ALK: variants seen among roughly 807,000 people sequenced by gnomAD.
ALK encodes ALK receptor tyrosine kinase.
ALK carries 74 observed loss-of-function variants against 163.1 expected under a neutral mutation model. The ratio of observed to expected loss-of-function variants is 0.45; its 90% confidence interval spans 0.38 to 0.55. The LOEUF (loss-of-function observed/expected upper bound fraction) is 0.55. Among genes scored for constraint, ALK ranks in the 20% least tolerant of loss-of-function variants. The pLI is 0.00. For missense variants in ALK, 2,063 were observed against 2,105.3 expected, an observed-to-expected ratio of 0.98 and a Z score of 0.39; for synonymous variants, 960 against 843.2, an observed-to-expected ratio of 1.14 and a Z score of -2.40.
At chr2:29,800,024 T>C (rs1430556592) in intron 1 of ALK, among the ~76,000 whole-genome samples, 1 of 152,002 alleles carries the variant, frequency 6.6e-6, no homozygotes, top group Admixed American at 6.6e-5. Context: ...GTAGGGGAGG[T>C]GAACATGCAA....
At chr2:29,650,642 T>A (rs1322953657) in intron 3 of ALK, among the ~76,000 whole-genome samples, 1 of 152,160 alleles carries the variant, frequency 6.6e-6, no homozygotes, top group Non-Finnish European at 1.5e-5. Flanking sequence ...TTCTCTGTTT[T>A]CTGGTATCTG....
chr2:29,915,259 T>C (rs1230634032), intron 1 of ALK, among the ~76,000 whole-genome samples: 1 of 152,130 alleles, frequency 6.6e-6, no homozygotes, highest in African/African-American at 2.4e-5. Context: ...TAGATATTCC[T>C]TTCTCACTCT....
At chr2:29,797,183 T>G (rs1476179123) in intron 1 of ALK, among the ~76,000 whole-genome samples, 1 of 152,180 alleles carries the variant, frequency 6.6e-6, no homozygotes, top group East Asian at 1.9e-4. Flanking sequence ...CAAATGAAGT[T>G]TAGCAGCTCT....
chr2:29,592,326 G>A (rs1675085304), intron 3 of ALK, among the ~76,000 whole-genome samples: 3 of 152,178 alleles, frequency 2.0e-5, no homozygotes, highest in African/African-American at 7.2e-5. Context: ...AGCCCTGTGT[G>A]CTCTGGGGTC....
chr2:29,487,021 A>G (rs1237078434), intron 4 of ALK, among the ~76,000 whole-genome samples: 4 of 152,238 alleles, frequency 2.6e-5, no homozygotes, highest in Admixed American at 2.0e-4. Flanking sequence ...TACAATGCCA[A>G]CTAACTGACC....
intron 1 of ALK, among the ~76,000 whole-genome samples, chr2:29,780,654 A>G (rs1681308276): frequency 6.6e-6 from 1 of 152,222 alleles, no homozygotes; most frequent in African/African-American, 2.4e-5. Flanking sequence ...ATATCTGAGC[A>G]GCGCCCTCCA....
At chr2:29,331,693 G>A (rs1307240364) in intron 5 of ALK, among the ~76,000 whole-genome samples, 1 of 152,106 alleles carries the variant, frequency 6.6e-6, no homozygotes, top group Non-Finnish European at 1.5e-5. Flanking sequence ...GGAGCTGACG[G>A]GGCTGTGTCC....
chr2:29,912,920 G>C (rs1667745015), intron 1 of ALK, among the ~76,000 whole-genome samples: 1 of 152,060 alleles, frequency 6.6e-6, no homozygotes, highest in Admixed American at 6.5e-5. Context: ...CTAAATAAAA[G>C]ATAAGTAGGG....
chr2:29,599,234 A>C (rs1362532703), intron 3 of ALK, among the ~76,000 whole-genome samples: 1 of 152,098 alleles, frequency 6.6e-6, no homozygotes, highest in Non-Finnish European at 1.5e-5. Flanking sequence ...AGTACTATGT[A>C]ATTGGAAGGC....
intron 5 of ALK, among the ~76,000 whole-genome samples, chr2:29,358,566 A>G (rs1314745462): frequency 6.6e-6 from 1 of 152,190 alleles, no homozygotes; most frequent in Admixed American, 6.5e-5. Context: ...AGTTCTCCCA[A>G]GTGCTGTAGA....
intron 1 of ALK, among the ~76,000 whole-genome samples, chr2:29,829,377 C>T (rs79198262): frequency 6.6e-6 from 1 of 151,358 alleles, no homozygotes; most frequent in African/African-American, 2.4e-5. Flanking sequence ...ATTCTTTGTG[C>T]CTTCTAGGCC....
chr2:29,759,018 T>C (rs370903007), intron 1 of ALK, among the ~76,000 whole-genome samples: 29 of 152,336 alleles, frequency 1.9e-4, no homozygotes, highest in African/African-American at 6.5e-4. Context: ...TTGGACATAA[T>C]GAAGACACAA....
chr2:29,419,593 G>A (rs1482134203), intron 4 of ALK, among the ~76,000 whole-genome samples: 1 of 151,434 alleles, frequency 6.6e-6, no homozygotes, highest in African/African-American at 2.5e-5. Flanking sequence ...TAGAGGATGA[G>A]TATGATACAA....
At chr2:29,585,564 G>A (rs1447737153) in intron 3 of ALK, among the ~76,000 whole-genome samples, 1 of 152,108 alleles carries the variant, frequency 6.6e-6, no homozygotes, top group Non-Finnish European at 1.5e-5. Flanking sequence ...CTGACCTCAG[G>A]TGATCCACCT....
intron 5 of ALK, among the ~76,000 whole-genome samples, chr2:29,341,813 G>A (rs573526341): frequency 6.6e-6 from 1 of 152,182 alleles, no homozygotes; most frequent in Non-Finnish European, 1.5e-5. Context: ...ACCTGGAAAC[G>A]GGTAGAGTCC....
At chr2:29,845,912 G>T (rs80349076) in intron 1 of ALK, among the ~76,000 whole-genome samples, 3,155 of 152,228 alleles carry the variant, frequency 0.021, 109 homozygotes, top group African/African-American at 0.073. Context: ...TCATGCCAGG[G>T]TTCTCTGTAG....
chr2:29,567,615 CTT>C (rs1674230280), intron 3 of ALK, among the ~76,000 whole-genome samples: 2 of 152,136 alleles, frequency 1.3e-5, no homozygotes, highest in South Asian at 4.1e-4. Flanking sequence ...GTTTTATAAA[CTT>C]TGCATGCTTG....
At chr2:29,853,972 C>T (rs940866193) in intron 1 of ALK, among the ~76,000 whole-genome samples, 3 of 151,440 alleles carry the variant, frequency 2.0e-5, no homozygotes, top group African/African-American at 7.3e-5. Context: ...TGCAGTGGCA[C>T]GATCTGGGCT....
At chr2:29,228,652 A>G (rs1408002034) in intron 16 of ALK, among the ~76,000 whole-genome samples, 2 of 151,894 alleles carry the variant, frequency 1.3e-5, no homozygotes, top group African/African-American at 4.8e-5. Context: ...GGACATCAAG[A>G]ATCACATGGG....
Sources: allele counts gnomAD v4.1 joint callset (sites outside exome capture counted in the v4.1 genomes callset), GRCh38; gene constraint gnomAD v4.1.1; transcripts MANE v1.5; gene names NCBI Gene and HGNC (gene_info 2026-07-23, HGNC 2026-07-21).